VPS13B: variants seen among roughly 807,000 people sequenced by gnomAD.
VPS13B encodes the protein intermembrane lipid transfer protein VPS13B.
VPS13B carries 285 observed loss-of-function variants against 426.4 expected under a neutral mutation model. That is an observed-to-expected ratio of 0.67 (90% CI 0.61 to 0.74). The LOEUF is 0.74. Among genes scored for constraint, VPS13B ranks in the 30% least tolerant of loss-of-function variants. The pLI is 0.00. For missense variants in VPS13B, 4,537 were observed against 4,782.6 expected, an observed-to-expected ratio of 0.95 and a Z score of 1.51; for synonymous variants, 1,676 against 1,676.4, an observed-to-expected ratio of 1.00 and a Z score of 0.01.
intron 17 of VPS13B, among the ~76,000 whole-genome samples, chr8:99,265,900 T>C (rs1818268455): frequency 6.6e-6 from 1 of 152,238 alleles, no homozygotes; most frequent in Admixed American, 6.5e-5. Flanking sequence ...CTCTTGCTTG[T>C]TTGAGAGCGG....
intron 17 of VPS13B, chr8:99,240,748 G>A (rs1312912699): frequency 6.6e-6 from 1 of 152,562 alleles, no homozygotes; most frequent in African/African-American, 2.4e-5. Context: ...TAGTAAGTAA[G>A]CATTGCTTTT....
chr8:99,582,719 A>G (rs762837384), intron 33 of VPS13B, among the ~76,000 whole-genome samples: 17 of 151,824 alleles, frequency 1.1e-4, no homozygotes, highest in Admixed American at 2.6e-4. Flanking sequence ...GCAGTGGCGC[A>G]ATCTCGGCTC....
intron 17 of VPS13B, among the ~76,000 whole-genome samples, chr8:99,194,590 A>G (rs1813796170): frequency 1.3e-5 from 2 of 152,246 alleles, no homozygotes. Flanking sequence ...GTCTTAAACG[A>G]CAGAATTTCC....
intron 43 of VPS13B, among the ~76,000 whole-genome samples, chr8:99,793,188 A>G (rs1339730884): frequency 2.7e-5 from 4 of 148,836 alleles, no homozygotes; most frequent in Admixed American, 6.7e-5. Context: ...TGGGCAACAG[A>G]GCAAGACCCT....
intron 19 of VPS13B, among the ~76,000 whole-genome samples, chr8:99,342,504 T>C (rs1290579992): frequency 6.6e-6 from 1 of 151,832 alleles, no homozygotes; most frequent in Non-Finnish European, 1.5e-5. Flanking sequence ...TGTATCTTTC[T>C]GTGCCTTGCT....
intron 33 of VPS13B, among the ~76,000 whole-genome samples, chr8:99,627,034 C>T (rs572749819): frequency 1.3e-5 from 2 of 152,188 alleles, no homozygotes; most frequent in South Asian, 2.1e-4. Context: ...AAATACTGCT[C>T]GATCTCACAT....
intron 17 of VPS13B, among the ~76,000 whole-genome samples, chr8:99,224,860 C>A (rs998947765): frequency 1.3e-5 from 2 of 152,120 alleles, no homozygotes; most frequent in Non-Finnish European, 2.9e-5. Flanking sequence ...TTGTGGGAAG[C>A]ATACAAATAG....
At chr8:99,531,259 A>G (rs1822919003) in intron 30 of VPS13B, among the ~76,000 whole-genome samples, 1 of 152,208 alleles carries the variant, frequency 6.6e-6, no homozygotes, top group South Asian at 2.1e-4. Flanking sequence ...TTAATACTGC[A>G]TTTATTCTAC....
At chr8:99,597,921 C>G (rs1827098550) in intron 33 of VPS13B, among the ~76,000 whole-genome samples, 1 of 151,968 alleles carries the variant, frequency 6.6e-6, no homozygotes, top group Non-Finnish European at 1.5e-5. Flanking sequence ...TAAATACTTG[C>G]TGAGTGAATT....
rs375319662 is a variant in VPS13B, at chr8:99,401,758, C to T, written c.3082+10054C>T. ...ACGCGTGCCTGCAGTCCCAGCTACT[C>T]GGGAGGCTGAGGCAGGAGAATTGCT... is the stretch of plus-strand genomic sequence containing the variant. On this transcript the variant is annotated intron_variant, in intron 21 of 61. Coordinates refer to ENST00000357162, the MANE Select transcript of VPS13B (RefSeq NM_152564.5). 1.2e-4 allele frequency among the ~76,000 whole-genome samples: 19 copies of T among 152,204 alleles called. No homozygotes were observed. In the East Asian group the frequency reaches 2.3e-3, roughly 19 times the overall value.
At chr8:99,308,643 T>C in intron 19 of VPS13B, among the ~76,000 whole-genome samples, 1 of 152,168 alleles carries the variant, frequency 6.6e-6, no homozygotes, top group East Asian at 1.9e-4. Context: ...TAAACATACG[T>C]GTGCATGTGT....
intron 24 of VPS13B, among the ~76,000 whole-genome samples, chr8:99,476,277 G>C (rs1047007219): frequency 2.0e-5 from 3 of 152,146 alleles, no homozygotes; most frequent in African/African-American, 7.2e-5. Context: ...ATATCTTCAA[G>C]TGAGAGATTA....
intron 33 of VPS13B, among the ~76,000 whole-genome samples, chr8:99,598,685 A>T (rs1454575736): frequency 6.6e-6 from 1 of 151,956 alleles, no homozygotes; most frequent in Non-Finnish European, 1.5e-5. Context: ...TGGAGAAGAA[A>T]ATAAAGACAA....
intron 39 of VPS13B, among the ~76,000 whole-genome samples, chr8:99,754,094 T>TTG (rs1042123347): frequency 3.3e-5 from 5 of 151,712 alleles, no homozygotes; most frequent in African/African-American, 1.2e-4. Context: ...GGTTTTTTTT[T>TTG]TTTTTTTTTT....
chr8:99,865,760 G>A (rs548357943), intron 58 of VPS13B, among the ~76,000 whole-genome samples: 5 of 152,358 alleles, frequency 3.3e-5, no homozygotes, highest in East Asian at 1.9e-4. Flanking sequence ...GAGCTGTGGC[G>A]TGGTATCCCA....
chr8:99,394,428 G>T (rs374565930), intron 21 of VPS13B, among the ~76,000 whole-genome samples: 1 of 152,152 alleles, frequency 6.6e-6, no homozygotes. Flanking sequence ...GCTACAGGGG[G>T]ACCTGTGCTT....
chr8:99,761,843 A>G (rs1289016498), intron 39 of VPS13B, among the ~76,000 whole-genome samples: 1 of 152,122 alleles, frequency 6.6e-6, no homozygotes, highest in African/African-American at 2.4e-5. Flanking sequence ...TTTAGTTAGT[A>G]TGGGTACATA....
At chr8:99,496,381 T>C (rs1820884957) in intron 25 of VPS13B, among the ~76,000 whole-genome samples, 1 of 152,146 alleles carries the variant, frequency 6.6e-6, no homozygotes, top group South Asian at 2.1e-4. Flanking sequence ...ACTGGGCATG[T>C]TGGCTCACGC....
intron 54 of VPS13B, among the ~76,000 whole-genome samples, chr8:99,841,902 A>G (rs1236667965): frequency 1.3e-5 from 2 of 151,880 alleles, no homozygotes; most frequent in Non-Finnish European, 2.9e-5. Context: ...CTAACCCCCA[A>G]ATGATTCCTA....
Sources: gnomAD v4.1 joint callset for allele counts (sites outside exome capture counted in the v4.1 genomes callset) on GRCh38, gnomAD v4.1.1 for gene constraint, MANE v1.5 for transcripts, NCBI Gene and HGNC (gene_info 2026-07-23, HGNC 2026-07-21) for gene names.